Variants in NELL1 observed in about 807,000 individuals in gnomAD.
NELL1 encodes the protein neural EGFL like 1.
A neutral mutation model predicts 107.4 loss-of-function variants in NELL1; 76 were observed. The observed-to-expected ratio is 0.71, with a 90% CI of 0.59 to 0.86. The LOEUF is 0.86. NELL1 is among the 40% of genes least tolerant of loss of function. The probability of loss-of-function intolerance (pLI) is 0.00; values close to 1 mark genes in which losing one functional copy is unlikely to be tolerated. For missense variants in NELL1, 1,024 were observed against 1,005.5 expected (o/e 1.02, Z -0.25); for synonymous variants, 353 against 341.2 (o/e 1.03, Z -0.38).
chr11:21,082,756 A>G (rs577813217), intron 12 of NELL1, among the ~76,000 whole-genome samples: 2 of 152,234 alleles, frequency 1.3e-5, no homozygotes, highest in South Asian at 2.1e-4. Context: ...CACAAGCTCT[A>G]TATTCTCACT....
intron 8 of NELL1, among the ~76,000 whole-genome samples, chr11:20,927,926 C>T (rs540598728): frequency 6.6e-6 from 1 of 152,302 alleles, no homozygotes; most frequent in East Asian, 1.9e-4. Flanking sequence ...TATATCCCTT[C>T]ATCTGTTTCA....
intron 14 of NELL1, among the ~76,000 whole-genome samples, chr11:21,334,466 A>C (rs1010461479): frequency 6.6e-6 from 1 of 151,950 alleles, no homozygotes; most frequent in Non-Finnish European, 1.5e-5. Flanking sequence ...TTATATTCAT[A>C]ATAGAGTATG....
At chr11:20,798,051 T>C (rs1413686456) in intron 3 of NELL1, among the ~76,000 whole-genome samples, 2 of 152,172 alleles carry the variant, frequency 1.3e-5, no homozygotes, top group African/African-American at 2.4e-5. Context: ...ATCATTTTTA[T>C]CTTTATGCCT....
At chr11:21,270,495 G>C (rs2133933924) in intron 14 of NELL1, among the ~76,000 whole-genome samples, 1 of 152,168 alleles carries the variant, frequency 6.6e-6, no homozygotes. Context: ...CAATCTTTTT[G>C]TGTATGTGCC....
chr11:21,568,760 T>C (rs1857029994), intron 17 of NELL1, among the ~76,000 whole-genome samples: 1 of 151,750 alleles, frequency 6.6e-6, no homozygotes, highest in South Asian at 2.1e-4. Flanking sequence ...TTGTCCCACT[T>C]GAAGGTCTTC....
intron 12 of NELL1, among the ~76,000 whole-genome samples, chr11:21,083,473 A>C (rs1033798090): frequency 1.3e-5 from 2 of 152,200 alleles, no homozygotes; most frequent in Non-Finnish European, 2.9e-5. Flanking sequence ...CAGTGTTAAC[A>C]GGTTACACAC....
At chr11:20,768,380 T>A (rs1324233297) in intron 2 of NELL1, among the ~76,000 whole-genome samples, 1 of 152,132 alleles carries the variant, frequency 6.6e-6, no homozygotes, top group Non-Finnish European at 1.5e-5. Context: ...CCCATGTGGG[T>A]GAAGCTACCA....
chr11:21,174,640 AAGG>A (rs765627749), intron 13 of NELL1, among the ~76,000 whole-genome samples: 2 of 151,636 alleles, frequency 1.3e-5, no homozygotes, highest in Non-Finnish European at 2.9e-5. Flanking sequence ...TGAAGGAGGG[AAGG>A]AGGAGGAAGA....
intron 15 of NELL1, among the ~76,000 whole-genome samples, chr11:21,456,716 A>G (rs1474465550): frequency 6.6e-6 from 1 of 152,186 alleles, no homozygotes; most frequent in Non-Finnish European, 1.5e-5. Context: ...TACAGATTAA[A>G]AAATACTACG....
At chr11:20,828,636 C>A (rs1332563214) in intron 3 of NELL1, among the ~76,000 whole-genome samples, 2 of 152,300 alleles carry the variant, frequency 1.3e-5, no homozygotes, top group African/African-American at 4.8e-5. Context: ...CTTCTGCCTG[C>A]CTTCTGGCCT....
At chr11:20,774,351 CCTTT>C (rs1208547128) in intron 2 of NELL1, among the ~76,000 whole-genome samples, 3 of 148,040 alleles carry the variant, frequency 2.0e-5, no homozygotes, top group Non-Finnish European at 4.5e-5. Flanking sequence ...TCCTCTCTCT[CCTTT>C]CTTTCTCTCT....
At chr11:21,310,151 C>CA (rs1302855719) in intron 14 of NELL1, among the ~76,000 whole-genome samples, 9 of 151,970 alleles carry the variant, frequency 5.9e-5, no homozygotes, top group Non-Finnish European at 1.2e-4. Flanking sequence ...GAATGAGGTT[C>CA]AAAATAACTA....
At chr11:21,258,092 C>T (rs1858815231) in intron 14 of NELL1, among the ~76,000 whole-genome samples, 1 of 152,026 alleles carries the variant, frequency 6.6e-6, no homozygotes, top group South Asian at 2.1e-4. Context: ...GATGTTGAAG[C>T]AAGTTTAAGG....
chr11:21,383,576 A>G (rs1325199261), intron 15 of NELL1, among the ~76,000 whole-genome samples: 1 of 151,506 alleles, frequency 6.6e-6, no homozygotes, highest in Admixed American at 6.6e-5. Context: ...AAACTACTTC[A>G]AGTCACTGAA....
intron 14 of NELL1, among the ~76,000 whole-genome samples, chr11:21,330,185 A>G (rs1254278583): frequency 6.6e-6 from 1 of 152,108 alleles, no homozygotes. Context: ...AGATATTTAC[A>G]TATGTTATAG....
chr11:21,274,309 T>C (rs1394635441), intron 14 of NELL1, among the ~76,000 whole-genome samples: 1 of 151,984 alleles, frequency 6.6e-6, no homozygotes, highest in Non-Finnish European at 1.5e-5. Context: ...ACAAGTCCAT[T>C]ACATAATGGT....
At chr11:21,182,323 A>T (rs1856845625) in intron 13 of NELL1, among the ~76,000 whole-genome samples, 1 of 151,594 alleles carries the variant, frequency 6.6e-6, no homozygotes. Context: ...AATCTCAGCT[A>T]CTCAGAGAGG....
intron 2 of NELL1, among the ~76,000 whole-genome samples, chr11:20,775,986 C>A (rs1206388318): frequency 6.6e-6 from 1 of 152,140 alleles, no homozygotes; most frequent in Non-Finnish European, 1.5e-5. Flanking sequence ...ATTTGGTAAA[C>A]CTTTTTTTCT....
At chr11:20,755,556 G>GTTTTTTTTTT (rs1188989442) in intron 2 of NELL1, among the ~76,000 whole-genome samples, 4 of 23,370 alleles carry the variant, frequency 1.7e-4, no homozygotes, top group African/African-American at 3.3e-4. Flanking sequence ...TTTTGTTTTT[G>GTTTTTTTTTT]TTTTTGTTTT....
Sources: gnomAD v4.1 joint callset for allele counts (sites outside exome capture counted in the v4.1 genomes callset) on GRCh38, gnomAD v4.1.1 for gene constraint, MANE v1.5 for transcripts, NCBI Gene and HGNC (gene_info 2026-07-23, HGNC 2026-07-21) for gene names.